NHS: variants seen among roughly 807,000 people sequenced by gnomAD.
NHS encodes the protein actin remodeling regulator NHS.
Under a neutral mutation model 72.5 loss-of-function variants are expected in NHS, and 5 were observed. That is an observed-to-expected ratio of 0.07 (90% confidence interval 0.04 to 0.14). The LOEUF (loss-of-function observed/expected upper bound fraction) is 0.14. Among genes scored for constraint, NHS ranks in the 10% least tolerant of loss-of-function variants. The probability of loss-of-function intolerance (pLI) is 1.00; values close to 1 mark genes in which losing one functional copy is unlikely to be tolerated. For missense variants in NHS, 1,072 were observed against 1,355.7 expected, an observed-to-expected ratio of 0.79 and a Z score of 3.29; for synonymous variants, 464 against 547.7, an observed-to-expected ratio of 0.85 and a Z score of 2.13.
intron 1 of NHS, among the ~76,000 whole-genome samples, chrX:17,462,987 G>A (rs2064854644): frequency 8.9e-6 from 1 of 111,920 alleles, no homozygotes; most frequent in Admixed American, 9.5e-5. Flanking sequence ...TGTCCATTGT[G>A]TATGTTGGAG....
At chrX:17,581,939 G>T in intron 1 of NHS, among the ~76,000 whole-genome samples, 1 of 111,918 alleles carries the variant, frequency 8.9e-6, no homozygotes, top group South Asian at 3.8e-4. Flanking sequence ...AAACAAAAAA[G>T]ATTCCAGAAT....
At chrX:17,556,698 C>G (rs544796585) in intron 1 of NHS, among the ~76,000 whole-genome samples, 1 of 112,324 alleles carries the variant, frequency 8.9e-6, no homozygotes, top group South Asian at 3.7e-4. Context: ...GACTCAGATG[C>G]CCATTCCAAG....
chrX:17,391,801 G>A (rs1161120296), intron 1 of NHS, among the ~76,000 whole-genome samples: 2 of 112,134 alleles, frequency 1.8e-5, no homozygotes, highest in Non-Finnish European at 3.8e-5. Context: ...CATCATGGAA[G>A]TGGTGGTGTA....
chrX:17,670,706 A>G (rs2066039263), intron 1 of NHS, among the ~76,000 whole-genome samples: 1 of 112,316 alleles, frequency 8.9e-6, no homozygotes, highest in Admixed American at 9.4e-5. Context: ...GTGACCCTAC[A>G]TGTGGTTTGG....
At chrX:17,471,992 G>C (rs1277262165) in intron 1 of NHS, among the ~76,000 whole-genome samples, 5 of 111,488 alleles carry the variant, frequency 4.5e-5, no homozygotes, top group Non-Finnish European at 9.4e-5. Flanking sequence ...AACACTGAAT[G>C]GTTTCACAGC....
intron 3 of NHS, among the ~76,000 whole-genome samples, chrX:17,713,074 A>G (rs1363629019): frequency 8.9e-6 from 1 of 111,817 alleles, no homozygotes; most frequent in East Asian, 2.8e-4. Flanking sequence ...CAAGAGCACA[A>G]TGCCAACCTT....
chrX:17,613,301 C>T (rs764452555), intron 1 of NHS, among the ~76,000 whole-genome samples: 14 of 111,208 alleles, frequency 1.3e-4, no homozygotes, highest in Non-Finnish European at 2.3e-4. Flanking sequence ...TGAACCCTGG[C>T]GGCAGAGGTT....
intron 1 of NHS, among the ~76,000 whole-genome samples, chrX:17,582,319 A>G (rs1343304415): frequency 1.8e-5 from 2 of 112,286 alleles, no homozygotes; most frequent in Non-Finnish European, 3.8e-5. Context: ...AGATTTTACA[A>G]AATTCTGTAG....
At chrX:17,616,333 GT>G (rs2065746984) in intron 1 of NHS, among the ~76,000 whole-genome samples, 1 of 112,545 alleles carries the variant, frequency 8.9e-6, no homozygotes, top group East Asian at 2.8e-4. Context: ...ATGCGCATCT[GT>G]GACAACAACT....
chrX:17,539,780 A>C lies in NHS; in HGVS notation c.566-147962A>C, dbSNP rs1207899954. ...GCTCTCCCCTCCTTTGGGCACATGG[A>C]ATCTTACACTCCTCAGTGCTCTTTA... On this transcript the variant is annotated intron_variant, in intron 1 of 8. Coordinates refer to ENST00000676302, the MANE Select transcript of NHS (RefSeq NM_001291867.2). Among the ~76,000 whole-genome samples, 5 of 111,664 alleles carry C rather than the reference A, an allele frequency of 4.5e-5. No homozygotes were observed. The East Asian group carries it at 1.4e-3, about 32-fold the overall frequency.
rs189719115 is a variant in NHS at position 17,671,047 on chromosome X, G to T, written c.566-16695G>T. Among the ~76,000 whole-genome samples the T allele has an allele frequency of 2.7e-5, 3 of 111,558 alleles. No homozygotes were observed. In the East Asian group the frequency reaches 8.5e-4, roughly 32 times the overall value. ...TTGGGTGACTTCCTGAGAGGGTGCTGGGAAGGCATCTGAGCATGGGCTGGG... is the reference window on the plus strand; with the variant it reads ...TTGGGTGACTTCCTGAGAGGGTGCTTGGAAGGCATCTGAGCATGGGCTGGG... On this transcript the variant is annotated intron_variant, in intron 1 of 8. Coordinates refer to ENST00000676302, the MANE Select transcript of NHS (RefSeq NM_001291867.2).
chrX:17,727,328 A>T lies in NHS; in HGVS notation c.3222A>T (p.Ser1074=). Residue 1074 remains serine, a synonymous_variant, in exon 7 of 9, where the codon TCA becomes TCT. Transcript: ENST00000676302. Reference sequence around the variant, plus strand: ...CCTCTTTAAAAGATGGAACTATATCACTGAGTAAAGACCTTGAACTTCCAA... The same window carrying T: ...CCTCTTTAAAAGATGGAACTATATCTCTGAGTAAAGACCTTGAACTTCCAA... ...QQPSLKDGTI[S]LSKDLELPII... is the part of the protein sequence containing the mutation. 8.3e-7 allele frequency: 1 copy of T among 1,211,382 alleles called. No homozygotes were observed. The highest frequency in any genetic ancestry group is 1.1e-6 in the Non-Finnish European group (1 of 895,005).
intron 3 of NHS, among the ~76,000 whole-genome samples, chrX:17,704,918 T>C (rs1041022526): frequency 2.7e-5 from 3 of 111,888 alleles, no homozygotes; most frequent in East Asian, 5.6e-4. Context: ...CACACCCCTG[T>C]TGGGTGACAG....
At chrX:17,486,485 T>A (rs753455096) in intron 1 of NHS, among the ~76,000 whole-genome samples, 1 of 111,842 alleles carries the variant, frequency 8.9e-6, no homozygotes, top group African/African-American at 3.3e-5. Context: ...TCTTCAGGTT[T>A]GGTTCCAGTC....
In NHS at chrX:17,706,190, AAAAAC is replaced by A. The variant is rs762273275; in HGVS notation, c.853-13140_853-13136del. On this transcript the variant is annotated intron_variant, in intron 3 of 8. Coordinates refer to ENST00000676302, the MANE Select transcript of NHS (RefSeq NM_001291867.2). The stretch of plus-strand genomic sequence containing the variant: ...CTGGATGACAGGGCAAGACTGTCTC[AAAAAC>A]AAAACAAAACAAACAAAACAAATTG... Among the ~76,000 whole-genome samples the A allele has an allele frequency of 6.3e-5, 7 of 111,377 alleles. No individual in the cohort carries two copies. In the East Asian group the frequency reaches 1.4e-3, roughly 22 times the overall value.
intron 1 of NHS, among the ~76,000 whole-genome samples, chrX:17,651,722 G>T (rs925161770): frequency 8.9e-6 from 1 of 112,420 alleles, no homozygotes; most frequent in African/African-American, 3.2e-5. Flanking sequence ...TAACTGCAAG[G>T]GAGGCTGGGA....
At chrX:17,474,029 TTAA>T (rs1433137980) in intron 1 of NHS, among the ~76,000 whole-genome samples, 2 of 111,346 alleles carry the variant, frequency 1.8e-5, no homozygotes, top group Non-Finnish European at 3.8e-5. Context: ...CACCCAGGTA[TTAA>T]GACTACTACC....
chrX:17,425,564 A>G (rs57543893), intron 1 of NHS, among the ~76,000 whole-genome samples: 2,093 of 83,824 alleles, frequency 0.025, 144 homozygotes, highest in African/African-American at 0.088. Context: ...AAAAAAAAAA[A>G]AAAAAAAGAA....
intron 1 of NHS, among the ~76,000 whole-genome samples, chrX:17,541,765 C>T (rs1318675870): frequency 2.2e-5 from 2 of 91,178 alleles, no homozygotes; most frequent in Middle Eastern, 5.2e-3. Flanking sequence ...TCTGAGTTTG[C>T]GAACACACAC....
Sources: allele counts gnomAD v4.1 joint callset (sites outside exome capture counted in the v4.1 genomes callset), GRCh38; gene constraint gnomAD v4.1.1; transcripts MANE v1.5; gene names NCBI Gene and HGNC (gene_info 2026-07-23, HGNC 2026-07-21).